NOL4L: variants seen among roughly 807,000 people sequenced by gnomAD.
NOL4L encodes nucleolar protein 4-like.
A neutral mutation model predicts 64.5 loss-of-function variants in NOL4L; 7 were observed. That is an observed-to-expected ratio of 0.11 (90% confidence interval 0.06 to 0.20). The LOEUF is 0.20. Among genes scored for constraint, NOL4L ranks in the 10% least tolerant of loss-of-function variants. The pLI is 1.00. For missense variants in NOL4L, 680 were observed against 967.1 expected (o/e 0.70, Z 3.94); for synonymous variants, 413 against 401.0 (o/e 1.03, Z -0.36).
At chr20:32,469,878 C>T (rs907078428) in intron 5 of NOL4L, among the ~76,000 whole-genome samples, 1 of 152,222 alleles carries the variant, frequency 6.6e-6, no homozygotes, top group Non-Finnish European at 1.5e-5. Flanking sequence ...ACAAGGCCAA[C>T]GCTGGTGTGA....
At chr20:32,533,119 TAAAACA>T (rs1294815435) in intron 1 of NOL4L, among the ~76,000 whole-genome samples, 1 of 152,056 alleles carries the variant, frequency 6.6e-6, no homozygotes, top group African/African-American at 2.4e-5. Flanking sequence ...GACCCATCTC[TAAAACA>T]AAAACAAAAA....
At chr20:32,477,653 C>A (rs549358987) in intron 4 of NOL4L, among the ~76,000 whole-genome samples, 1 of 152,244 alleles carries the variant, frequency 6.6e-6, no homozygotes, top group Non-Finnish European at 1.5e-5. Context: ...GGTCCCATTG[C>A]GCACAGTTCT....
intron 4 of NOL4L, among the ~76,000 whole-genome samples, chr20:32,488,106 T>G (rs751153570): frequency 3.9e-5 from 6 of 152,112 alleles, no homozygotes; most frequent in Non-Finnish European, 7.4e-5. Context: ...ATTTTTGTAT[T>G]TTTAGTAGAG....
At chr20:32,517,754 TGGAGGCA>T (rs1013700335) in intron 3 of NOL4L, among the ~76,000 whole-genome samples, 23 of 152,218 alleles carry the variant, frequency 1.5e-4, no homozygotes, top group African/African-American at 2.7e-4. Flanking sequence ...CGACACGGGC[TGGAGGCA>T]GGAGGCAGGG....
rs566395082 is a variant in NOL4L, at chr20:32,445,577, TGAG to T, written c.*2016_*2018del. 4 of 152,370 alleles carry T rather than the reference TGAG, an allele frequency of 2.6e-5. No individual in the cohort carries two copies. The highest frequency in any genetic ancestry group is 9.6e-5 in the African/African-American group (4 of 41,572). 9.4% of individuals were successfully genotyped at this position (152,370 alleles called of 1,614,324 possible). On this transcript the variant is annotated 3_prime_UTR_variant, in exon 11 of 11. Coordinates refer to ENST00000621426, the MANE Select transcript of NOL4L (RefSeq NM_001256798.2). ...TAAATATTTACACGAATTCAAATGT[TGAG>T]TAGTACTGAGCAGGTGGGGCCAGAT...
At chr20:32,471,140 G>T (rs567025240) in intron 5 of NOL4L, among the ~76,000 whole-genome samples, 1 of 152,172 alleles carries the variant, frequency 6.6e-6, no homozygotes, top group Admixed American at 6.5e-5. Context: ...CACTCACCCC[G>T]GTAGAACCTC....
chr20:32,583,916 G>A (rs1414857145), intron 1 of NOL4L, among the ~76,000 whole-genome samples: 1 of 149,530 alleles, frequency 6.7e-6, no homozygotes, highest in African/African-American at 2.5e-5. Context: ...GGGGCCCGGG[G>A]GGCTGAGGGG....
intron 1 of NOL4L, chr20:32,536,227 C>A (rs920046766): frequency 2.0e-5 from 20 of 985,328 alleles, no homozygotes; most frequent in Non-Finnish European, 6.0e-6. Flanking sequence ...GACAGGGAAT[C>A]GGGAGTCACC....
chr20:32,455,881 C>T (rs955577814), intron 6 of NOL4L, among the ~76,000 whole-genome samples: 2 of 152,152 alleles, frequency 1.3e-5, no homozygotes, highest in South Asian at 2.1e-4. Flanking sequence ...AGGCAGGGGC[C>T]GTCAGCTCCA....
chr20:32,506,437 G>A (rs1394710327), intron 4 of NOL4L, among the ~76,000 whole-genome samples: 4 of 151,988 alleles, frequency 2.6e-5, no homozygotes, highest in Admixed American at 1.3e-4. Context: ...CGAGGAGGGC[G>A]GATCACCTGA....
At chr20:32,472,091 T>C (rs992811980) in intron 5 of NOL4L, among the ~76,000 whole-genome samples, 1 of 152,178 alleles carries the variant, frequency 6.6e-6, no homozygotes, top group Non-Finnish European at 1.5e-5. Context: ...AAGGCCCAGG[T>C]ACTCAGATGG....
intron 10 of NOL4L, chr20:32,450,545 T>C (rs1407028962): frequency 6.6e-6 from 1 of 152,326 alleles, no homozygotes; most frequent in Non-Finnish European, 1.5e-5. Context: ...GGAAGAATCA[T>C]TCTCTGGCTG....
intron 9 of NOL4L, 66 bp downstream of exon 9, chr20:32,452,818 C>A (rs1213357452): frequency 3.1e-6 from 5 of 1,599,580 alleles, no homozygotes; most frequent in Non-Finnish European, 4.3e-6. Flanking sequence ...CAGTCCACAC[C>A]CATATAAGGC....
At chr20:32,475,846 C>G (rs73906143) in intron 4 of NOL4L, among the ~76,000 whole-genome samples, 2,760 of 152,316 alleles carry the variant, frequency 0.018, 71 homozygotes, top group African/African-American at 0.062. Context: ...GACTGCTGTC[C>G]CTGAGGCAGA....
intron 4 of NOL4L, among the ~76,000 whole-genome samples, chr20:32,497,421 C>A (rs2016737906): frequency 6.6e-6 from 1 of 152,172 alleles, no homozygotes; most frequent in East Asian, 1.9e-4. Context: ...GCCTGAGTTT[C>A]AGTGCCTTAA....
At position 32,464,751 on chromosome 20, in the gene NOL4L, T is replaced by C; in HGVS notation, c.842-8356A>G. On this transcript the variant is annotated intron_variant, in intron 5 of 10. Transcript: ENST00000621426. This position sits in a 1 kb window ranked among gnomAD's most constrained non-coding sequence, Gnocchi z 5.6. ...GATTTGAGTGCCCTAGTACCCACAT[T>C]TTAAAAAGTAATAAAGAAACAGGTG... The C allele has an allele frequency of 2.9e-6, 1 of 345,220 alleles. No individual in the cohort carries two copies. Among genetic ancestry groups the C allele is most frequent in the Non-Finnish European group, 5.2e-6 (1 of 193,024 alleles). The allele number at this position is 345,220 out of a possible 1,614,324, so 21.4% of individuals were successfully genotyped here.
chr20:32,488,026 C>G (rs542936813), intron 4 of NOL4L, among the ~76,000 whole-genome samples: 1 of 151,912 alleles, frequency 6.6e-6, no homozygotes, highest in South Asian at 2.1e-4. Context: ...ACCTCCCTGA[C>G]TCAAGCCATT....
Position 32,458,702 on chromosome 20 carries a change from G to A in NOL4L, c.842-2307C>T, listed in dbSNP as rs1326674851. ...TGGAGGGCCTTAGATTCCTCCTCTGGAATGAGGGGCTGCTCCTCAGTGGGC... is the reference window on the plus strand; with the variant it reads ...TGGAGGGCCTTAGATTCCTCCTCTGAAATGAGGGGCTGCTCCTCAGTGGGC... On this transcript the variant is annotated intron_variant, in intron 5 of 10. Coordinates refer to ENST00000621426, the MANE Select transcript of NOL4L (RefSeq NM_001256798.2). Among the ~76,000 whole-genome samples, 5 of 152,234 alleles carry A rather than the reference G, an allele frequency of 3.3e-5. 1 individual carries two copies. In the East Asian group the frequency reaches 9.6e-4, roughly 29 times the overall value.
chr20:32,449,220 TGTC>T (rs2012621441), intron 10 of NOL4L, among the ~76,000 whole-genome samples: 1 of 152,240 alleles, frequency 6.6e-6, no homozygotes, highest in Non-Finnish European at 1.5e-5. Flanking sequence ...GCTTCTCTGT[TGTC>T]TGCCCTCCCC....
Sources: gnomAD v4.1 joint callset for allele counts (sites outside exome capture counted in the v4.1 genomes callset) on GRCh38, gnomAD v4.1.1 for gene constraint, Gnocchi (gnomAD v3.1) non-coding constraint, MANE v1.5 for transcripts, NCBI Gene and HGNC (gene_info 2026-07-23, HGNC 2026-07-21) for gene names.